DNM3: variants seen among roughly 807,000 people sequenced by gnomAD.
DNM3 encodes the protein dynamin-3.
Under a neutral mutation model 101.6 loss-of-function variants are expected in DNM3, and 47 were observed. The observed-to-expected ratio is 0.46, with a 90% CI of 0.37 to 0.59. The LOEUF is 0.59. Ranked by LOEUF, DNM3 falls within the 20% of genes least tolerant of loss-of-function variation. The probability of loss-of-function intolerance (pLI) is 0.00; values close to 1 mark genes in which losing one functional copy is unlikely to be tolerated. For synonymous variants in DNM3, 385 were observed against 387.9 expected, an observed-to-expected ratio of 0.99 and a Z score of 0.09; for missense variants, 849 against 1,085.7, an observed-to-expected ratio of 0.78 and a Z score of 3.06.
chr1:172,165,518 C>T (rs2058713241), intron 14 of DNM3, among the ~76,000 whole-genome samples: 1 of 152,010 alleles, frequency 6.6e-6, no homozygotes, highest in African/African-American at 2.4e-5. Flanking sequence ...TGAGCCCCAG[C>T]CTACCTTCCC....
intron 17 of DNM3, among the ~76,000 whole-genome samples, chr1:172,344,244 A>T (rs537291823): frequency 1.4e-3 from 218 of 152,278 alleles, no homozygotes; most frequent in Non-Finnish European, 2.5e-3. Context: ...TTTCTGCTGG[A>T]ATTAATGGGA....
chr1:172,173,579 A>G (rs903514719), intron 14 of DNM3, among the ~76,000 whole-genome samples: 6 of 151,086 alleles, frequency 4.0e-5, no homozygotes, highest in African/African-American at 1.5e-4. Context: ...TCCTCCCACT[A>G]TAACCTCCCA....
At chr1:172,343,002 C>T (rs572077439) in intron 17 of DNM3, among the ~76,000 whole-genome samples, 7 of 152,222 alleles carry the variant, frequency 4.6e-5, no homozygotes, top group East Asian at 3.9e-4. Context: ...TGGTTTAATG[C>T]GGTCAGTTTT....
At chr1:172,317,334 A>G (rs1179503678) in intron 16 of DNM3, among the ~76,000 whole-genome samples, 2 of 151,820 alleles carry the variant, frequency 1.3e-5, no homozygotes, top group Middle Eastern at 3.4e-3. Flanking sequence ...AAGAACTAGA[A>G]AAGCAAGAGC....
chr1:172,059,973 A>G (rs962358978), intron 10 of DNM3, among the ~76,000 whole-genome samples: 1 of 150,128 alleles, frequency 6.7e-6, no homozygotes, highest in African/African-American at 2.5e-5. Context: ...AAATCTCCTT[A>G]AGCTGATAAG....
intron 2 of DNM3, among the ~76,000 whole-genome samples, chr1:171,955,914 G>A (rs1041191502): frequency 5.9e-5 from 9 of 152,054 alleles, no homozygotes; most frequent in African/African-American, 2.2e-4. Context: ...GGTTGTGCAG[G>A]GAAACTCCCC....
chr1:172,208,070 T>C (rs1474021226), intron 14 of DNM3, among the ~76,000 whole-genome samples: 1 of 152,110 alleles, frequency 6.6e-6, no homozygotes, highest in Non-Finnish European at 1.5e-5. Context: ...TTACTATTTT[T>C]TGAATGAGAC....
intron 15 of DNM3, among the ~76,000 whole-genome samples, chr1:172,291,849 G>A (rs1433136116): frequency 6.6e-6 from 1 of 152,098 alleles, no homozygotes; most frequent in East Asian, 1.9e-4. Flanking sequence ...TAATAAAACT[G>A]GTAATGACAT....
At chr1:172,210,209 T>G (rs1474620584) in intron 14 of DNM3, among the ~76,000 whole-genome samples, 1 of 152,118 alleles carries the variant, frequency 6.6e-6, no homozygotes, top group Non-Finnish European at 1.5e-5. Context: ...ATGGCAGAGT[T>G]TGAAGCATAA....
intron 4 of DNM3, among the ~76,000 whole-genome samples, chr1:171,991,261 G>A (rs1435072519): frequency 1.3e-5 from 2 of 152,076 alleles, no homozygotes; most frequent in Non-Finnish European, 2.9e-5. Context: ...CCTGGAAATA[G>A]CATCAGATCA....
chr1:172,284,298 A>G (rs1357589158), intron 15 of DNM3, among the ~76,000 whole-genome samples: 1 of 152,190 alleles, frequency 6.6e-6, no homozygotes, highest in Non-Finnish European at 1.5e-5. Flanking sequence ...AAAATGATGA[A>G]ACTTACTGGA....
intron 17 of DNM3, among the ~76,000 whole-genome samples, chr1:172,330,668 T>A (rs1362973806): frequency 1.3e-5 from 2 of 152,046 alleles, no homozygotes; most frequent in African/African-American, 4.8e-5. Context: ...TTTGTGTAAC[T>A]TTCAAAAAAA....
chr1:172,295,770 AATG>A (rs2064135102), intron 15 of DNM3, among the ~76,000 whole-genome samples: 1 of 152,172 alleles, frequency 6.6e-6, no homozygotes, highest in Non-Finnish European at 1.5e-5. Context: ...CCTAATCAAA[AATG>A]ATGATTTTCT....
rs1182798546 is a variant in DNM3 at position 172,304,218 on chromosome 1, A to AAAAAAAAAAAAAAAAAAAAAAAAAC, written c.1770-4506_1770-4505insAAAAAAAAAAAAAAAAAAAACAAAA. On this transcript the variant is annotated intron_variant, in intron 15 of 20. Transcript: ENST00000627582. ...TGCAAAAGGAAAGCAAAAAAAAAAA[A>AAAAAAAAAAAAAAAAAAAAAAAAAC]AAAACAGGAGTTGCAATCCTAGTCT... 1.3e-4 allele frequency among the ~76,000 whole-genome samples: 17 copies of AAAAAAAAAAAAAAAAAAAAAAAAAC among 135,086 alleles called. 1 individual carries two copies. The highest frequency in any genetic ancestry group is 5.4e-4 in the African/African-American group (16 of 29,728). 88.6% of individuals were successfully genotyped at this position (135,086 alleles called of 152,430 possible). A position where few individuals can be genotyped will look rare whatever the true frequency, so the allele number is the denominator to read the frequency against.
chr1:172,277,303 G>T (rs550435154), intron 15 of DNM3, among the ~76,000 whole-genome samples: 1 of 152,006 alleles, frequency 6.6e-6, no homozygotes, highest in Non-Finnish European at 1.5e-5. Context: ...TGCAGATCAG[G>T]CTCACTTGGG....
intron 4 of DNM3, among the ~76,000 whole-genome samples, chr1:172,020,450 G>A (rs989435763): frequency 1.3e-5 from 2 of 152,120 alleles, no homozygotes; most frequent in Admixed American, 1.3e-4. Flanking sequence ...ACCCCGCGCG[G>A]TGGCTCACGC....
intron 14 of DNM3, among the ~76,000 whole-genome samples, chr1:172,193,780 T>C (rs2059834039): frequency 6.6e-6 from 1 of 152,176 alleles, no homozygotes; most frequent in South Asian, 2.1e-4. Flanking sequence ...GCTAGCGGTC[T>C]ATCAATTTTG....
intron 2 of DNM3, among the ~76,000 whole-genome samples, chr1:171,957,833 G>A (rs776347569): frequency 2.6e-5 from 4 of 152,110 alleles, no homozygotes; most frequent in African/African-American, 7.2e-5. Flanking sequence ...TCAACAAGTC[G>A]CTAGGAAGTT....
Position 172,198,177 on chromosome 1 carries a change from G to A in DNM3, c.1660-55396G>A, listed in dbSNP as rs969791662. Among the ~76,000 whole-genome samples the A allele has an allele frequency of 2.6e-5, 4 of 152,014 alleles. No homozygotes were observed. In the East Asian group the frequency reaches 7.7e-4, roughly 29 times the overall value. On this transcript the variant is annotated intron_variant, in intron 14 of 20. Transcript: ENST00000627582. ...CTGTTGAGGTAATCATGTGGTTTTT[G>A]TCTAGTTTTGTTTATGTGGTGAATC... is the stretch of plus-strand genomic sequence containing the variant.
Sources: allele counts gnomAD v4.1 joint callset (sites outside exome capture counted in the v4.1 genomes callset), GRCh38; gene constraint gnomAD v4.1.1; transcripts MANE v1.5; gene names NCBI Gene and HGNC (gene_info 2026-07-23, HGNC 2026-07-21).